RPS6KC1: variants seen among roughly 807,000 people sequenced by gnomAD.
The protein encoded by RPS6KC1 is inactive ribosomal protein S6 kinase delta-1.
RPS6KC1 carries 54 observed loss-of-function variants against 103.8 expected under a neutral mutation model. That is an observed-to-expected ratio of 0.52 (90% CI 0.42 to 0.65). The LOEUF (loss-of-function observed/expected upper bound fraction) is 0.65, where lower values mean the gene tolerates loss of function less well. Among genes scored for constraint, RPS6KC1 ranks in the 30% least tolerant of loss-of-function variants. The pLI is 0.00. For synonymous variants in RPS6KC1, 439 were observed against 438.7 expected (o/e 1.00, Z -0.01); for missense variants, 1,151 against 1,253.8 (o/e 0.92, Z 1.24).
At chr1:213,590,473 A>G in the RPS6KC1 span, among the ~76,000 whole-genome samples, 1 of 152,206 alleles carries the variant, frequency 6.6e-6, no homozygotes. Context: ...GATCACCACC[A>G]GTAGAAGAGA....
chr1:213,100,544 A>G (rs2081928682), intron 3 of RPS6KC1, among the ~76,000 whole-genome samples: 1 of 152,192 alleles, frequency 6.6e-6, no homozygotes, highest in Non-Finnish European at 1.5e-5. Flanking sequence ...AATAATGAAT[A>G]TAGTACCCAA....
At position 213,154,202 on chromosome 1, in the gene RPS6KC1, C is replaced by G. The variant is rs557897421; in HGVS notation, c.836-13656C>G. Among the ~76,000 whole-genome samples the G allele has an allele frequency of 7.2e-5, 11 of 152,360 alleles. No homozygotes were observed. In the South Asian group the frequency reaches 2.3e-3, roughly 32 times the overall value. On this transcript the variant is annotated intron_variant, in intron 6 of 14. Transcript: ENST00000366960. ...CCACTATGACTGCTCTGCATCAGAC[C>G]TGAAGCTGGCACAGTGCTGGGTCTT...
chr1:213,053,563 A>T (rs2094871195), intron 1 of RPS6KC1, among the ~76,000 whole-genome samples: 1 of 152,234 alleles, frequency 6.6e-6, no homozygotes, highest in Non-Finnish European at 1.5e-5. Flanking sequence ...CTTAAGTGTG[A>T]TATAACACAG....
At chr1:213,712,853 A>C in the RPS6KC1 span, among the ~76,000 whole-genome samples, 1 of 151,624 alleles carries the variant, frequency 6.6e-6, no homozygotes, top group African/African-American at 2.4e-5. Flanking sequence ...CCACTGTCTA[A>C]CCAGTCCCAA....
chr1:213,749,914 G>C, the RPS6KC1 span, among the ~76,000 whole-genome samples: 1 of 152,306 alleles, frequency 6.6e-6, no homozygotes, highest in South Asian at 2.1e-4. Context: ...GGTTAGCGGG[G>C]AACATCCCCA....
the RPS6KC1 span, among the ~76,000 whole-genome samples, chr1:213,736,274 G>A: frequency 6.6e-6 from 1 of 152,286 alleles, no homozygotes; most frequent in Non-Finnish European, 1.5e-5. Context: ...CAAGACTGCA[G>A]GTAAGGTTTC....
At chr1:213,469,994 CAG>C in the RPS6KC1 span, among the ~76,000 whole-genome samples, 1 of 152,166 alleles carries the variant, frequency 6.6e-6, no homozygotes. Context: ...ACCTGGGTGA[CAG>C]AGAGACCTGG....
At chr1:213,250,597 A>G (rs998265260) in intron 12 of RPS6KC1, among the ~76,000 whole-genome samples, 5 of 152,242 alleles carry the variant, frequency 3.3e-5, no homozygotes, top group Admixed American at 2.6e-4. Flanking sequence ...GTGAGACTAT[A>G]GGGAAGTTTC....
At chr1:213,222,522 G>A (rs1473028936) in intron 8 of RPS6KC1, among the ~76,000 whole-genome samples, 1 of 152,110 alleles carries the variant, frequency 6.6e-6, no homozygotes, top group African/African-American at 2.4e-5. Context: ...TGAAGCTGTA[G>A]GTGCAACATC....
At chr1:213,646,901 T>A in the RPS6KC1 span, among the ~76,000 whole-genome samples, 2 of 109,522 alleles carry the variant, frequency 1.8e-5, no homozygotes, top group African/African-American at 7.2e-5. Context: ...ATATATATTT[T>A]TGTTTGTTTG....
chr1:213,553,921 A>G, the RPS6KC1 span, among the ~76,000 whole-genome samples: 808 of 151,992 alleles, frequency 5.3e-3, 9 homozygotes, highest in Non-Finnish European at 7.3e-3. Context: ...TAGATTCTGG[A>G]TATTAGACCT....
the RPS6KC1 span, among the ~76,000 whole-genome samples, chr1:213,491,238 G>C: frequency 6.6e-6 from 1 of 152,132 alleles, no homozygotes; most frequent in Non-Finnish European, 1.5e-5. Context: ...GTAGAAACCA[G>C]GGGCCTGAAA....
chr1:213,376,225 T>C, the RPS6KC1 span, among the ~76,000 whole-genome samples: 1 of 152,194 alleles, frequency 6.6e-6, no homozygotes, highest in African/African-American at 2.4e-5. Context: ...CATATTTGTA[T>C]AACTGAGATT....
At chr1:213,214,363 A>G (rs2093602412) in intron 8 of RPS6KC1, among the ~76,000 whole-genome samples, 1 of 152,238 alleles carries the variant, frequency 6.6e-6, no homozygotes, top group Non-Finnish European at 1.5e-5. Context: ...TTGAGTAGGT[A>G]AACAAAGCAG....
At chr1:213,827,440 T>C in the RPS6KC1 span, among the ~76,000 whole-genome samples, 2 of 152,134 alleles carry the variant, frequency 1.3e-5, no homozygotes, top group East Asian at 3.9e-4. Flanking sequence ...TAGAGGGCTG[T>C]GAGTCAGCCA....
chr1:213,209,405 T>C (rs757904974), intron 8 of RPS6KC1, among the ~76,000 whole-genome samples: 1 of 152,038 alleles, frequency 6.6e-6, no homozygotes, highest in Non-Finnish European at 1.5e-5. Flanking sequence ...TTATTAAGAA[T>C]GTAAAGGAGG....
intron 9 of RPS6KC1, among the ~76,000 whole-genome samples, chr1:213,231,889 A>G (rs188351207): frequency 6.6e-6 from 1 of 152,316 alleles, no homozygotes; most frequent in African/African-American, 2.4e-5. Flanking sequence ...ACACTGACCC[A>G]CGTAATTGAT....
intron 3 of RPS6KC1, among the ~76,000 whole-genome samples, chr1:213,099,291 A>G (rs965960106): frequency 4.6e-5 from 7 of 152,052 alleles, no homozygotes; most frequent in African/African-American, 1.7e-4. Flanking sequence ...TTTTCTTTGT[A>G]GTAGACTTTA....
At chr1:213,581,485 A>G in the RPS6KC1 span, among the ~76,000 whole-genome samples, 655 of 152,152 alleles carry the variant, frequency 4.3e-3, 6 homozygotes, top group African/African-American at 0.015. Context: ...AGAACTCTAG[A>G]GCTGGGATCA....
Sources: gnomAD v4.1 joint callset for allele counts (sites outside exome capture counted in the v4.1 genomes callset) on GRCh38, gnomAD v4.1.1 for gene constraint, MANE v1.5 for transcripts, NCBI Gene and HGNC (gene_info 2026-07-23, HGNC 2026-07-21) for gene names.